Variants in CERS2 observed in about 807,000 individuals in gnomAD.
CERS2 encodes the protein ceramide synthase 2.
CERS2 carries 20 observed loss-of-function variants against 56.6 expected under a neutral mutation model. That is an observed-to-expected ratio of 0.35 (90% CI 0.25 to 0.51). The LOEUF is 0.51. CERS2 is among the 20% of genes least tolerant of loss of function. The pLI, the probability that CERS2 is intolerant of heterozygous loss-of-function variation, is 0.96. For synonymous variants in CERS2, 187 were observed against 175.4 expected (o/e 1.07, Z -0.52); for missense variants, 361 against 488.6 (o/e 0.74, Z 2.46).
chr1:150,966,920 T>C, intron 8 of CERS2, 58 bp from the exon 9 acceptor site: 2 of 1,418,106 alleles, frequency 1.4e-6, no homozygotes, highest in Non-Finnish European at 2.0e-6. Flanking sequence ...AGTACATTCA[T>C]ATGTACACTC....
At chr1:150,969,196 A>T in intron 1 of CERS2, 105 bp from the exon 2 acceptor site, 1 of 942,218 alleles carries the variant, frequency 1.1e-6, no homozygotes, top group Non-Finnish European at 1.6e-6. Context: ...GGGGGCAGAG[A>T]GTCGAACTCT....
Position 150,968,144 on chromosome 1 carries a change from A to G in CERS2, c.349T>C (p.Trp117Arg). The change falls in exon 4 of 11, where the codon TGG becomes CGG. Residue 117 changes from tryptophan (W) to arginine (R), a missense_variant. Trp to Arg is a moderately radical substitution (Grantham distance 101, BLOSUM62 -3). Coordinates refer to ENST00000368954, the MANE Select transcript of CERS2 (RefSeq NM_022075.5). ...SGLSGRQVER[W>R]FRRRRNQDRP... ...TCCTGGTTGCGGCGGCGACGGAACC[A>G]ACGCTCTACCTGGCGGCCAGAGAGC... 1 of 1,609,898 alleles carries G rather than the reference A, an allele frequency of 6.2e-7. No individual in the cohort carries two copies. The highest frequency in any genetic ancestry group is 8.5e-7 in the Non-Finnish European group (1 of 1,179,998).
intron 8 of CERS2, 88 bp downstream of exon 8, chr1:150,966,986 C>A (rs1671042304): frequency 6.5e-7 from 1 of 1,541,404 alleles, no homozygotes; most frequent in East Asian, 2.3e-5. Context: ...TGTCATCCTC[C>A]AAATTCCCAC....
In CERS2 at chr1:150,966,753, C is replaced by T. The variant is rs1355438284; in HGVS notation, c.848+3G>A. Reference sequence around the variant, plus strand: ...CAGGAGTGTAGCCTAGCTGCCTACTCACCAGAAGGGCAGGATGACCAGTCG... The same window carrying T: ...CAGGAGTGTAGCCTAGCTGCCTACTTACCAGAAGGGCAGGATGACCAGTCG... On this transcript the variant is annotated splice_donor_region_variant and intron_variant, in intron 9 of 10. Transcript: ENST00000368954. 1.2e-5 allele frequency: 19 copies of T among 1,612,122 alleles called. No homozygotes were observed. The highest frequency in any genetic ancestry group is 2.2e-5 in the East Asian group (1 of 44,880).
intron 1 of CERS2, 43 bp from the exon 2 acceptor site, chr1:150,969,134 A>G (rs1403574690): frequency 1.3e-6 from 2 of 1,569,840 alleles, no homozygotes; most frequent in Admixed American, 3.4e-5. Flanking sequence ...GGGAGTAGCT[A>G]TGGAGGAAGA....
rs988081439 is a variant in CERS2, at chr1:150,974,782, GCGC to G, written c.-168_-166del. ...GCCCTCCCTCCTCCGCCAGCCGCCG[GCGC>G]CGCCGCCGCCGCCCGCCGAGCCCAG... is the stretch of plus-strand genomic sequence containing the variant. On this transcript the variant is annotated 5_prime_UTR_variant, in exon 1 of 11. Transcript: ENST00000368954. 8.5e-5 allele frequency: 13 copies of G among 153,220 alleles called. No individual in the cohort carries two copies. The highest frequency in any genetic ancestry group is 1.7e-4 in the Non-Finnish European group (12 of 69,270). The allele number at this position is 153,220 out of a possible 1,614,324, so 9.5% of individuals were successfully genotyped here.
At chr1:150,972,151 G>A (rs1022842832) in intron 1 of CERS2, among the ~76,000 whole-genome samples, 1 of 152,204 alleles carries the variant, frequency 6.6e-6, no homozygotes, top group Non-Finnish European at 1.5e-5. Context: ...TCCCCAAGAT[G>A]AGATAGCGCC....
chr1:150,970,227 CA>C (rs35333038), intron 1 of CERS2, among the ~76,000 whole-genome samples: 197 of 51,166 alleles, frequency 3.9e-3, no homozygotes, highest in African/African-American at 0.017. Flanking sequence ...GACTCTGTCT[CA>C]AAAAAAAAAA....
chr1:150,967,500 G>A lies in CERS2; in HGVS notation c.520-16C>T. On this transcript the variant is annotated splice_polypyrimidine_tract_variant and intron_variant, in intron 6 of 10. Coordinates refer to ENST00000368954, the MANE Select transcript of CERS2 (RefSeq NM_022075.5). Reference sequence around the variant, plus strand: ...GGATAGTGCTCTGGGAGAGGAGAGAGAGGTAAGAGCAACCAGCCGCAAGGG... The same window carrying A: ...GGATAGTGCTCTGGGAGAGGAGAGAAAGGTAAGAGCAACCAGCCGCAAGGG... 8.6e-6 allele frequency: 13 copies of A among 1,518,814 alleles called. No individual in the cohort carries two copies. Among genetic ancestry groups the A allele is most frequent in the Non-Finnish European group, 1.1e-5 (12 of 1,093,304 alleles). 94.1% of individuals were successfully genotyped at this position (1,518,814 alleles called of 1,614,324 possible).
At chr1:150,968,807 T>C in intron 2 of CERS2, 111 bp downstream of exon 2, 1 of 1,078,816 alleles carries the variant, frequency 9.3e-7, no homozygotes, top group Non-Finnish European at 1.4e-6. Context: ...GGAACCTGAG[T>C]AGCCAGAACA....
In CERS2 at chr1:150,965,264, T is replaced by C. The variant is rs1318647565; in HGVS notation, c.*884A>G. On this transcript the variant is annotated 3_prime_UTR_variant, in exon 11 of 11. Transcript: ENST00000368954. The stretch of plus-strand genomic sequence containing the variant: ...GTCTGACACTTATTGCCATGTTTTA[T>C]TTAATATTTTTTATTTAATCTTTTA... The C allele has an allele frequency of 1.3e-5, 2 of 152,670 alleles. No homozygotes were observed. The highest frequency in any genetic ancestry group is 2.9e-5 in the Non-Finnish European group (2 of 68,044). The allele number at this position is 152,670 out of a possible 1,614,324, so 9.5% of individuals were successfully genotyped here.
At chr1:150,967,300 C>T in intron 7 of CERS2, 92 bp downstream of exon 7, 1 of 1,441,450 alleles carries the variant, frequency 6.9e-7, no homozygotes, top group South Asian at 1.1e-5. Flanking sequence ...ACCAACAGCT[C>T]CATTCAGAGT....
chr1:150,968,563 C>T, intron 2 of CERS2, 51 bp from the exon 3 acceptor site: 1 of 1,440,618 alleles, frequency 6.9e-7, no homozygotes, highest in Non-Finnish European at 9.8e-7. Context: ...AGGGAAAGGG[C>T]TGCAAGCTAA....
At position 150,965,192 on chromosome 1, in the gene CERS2, A is replaced by G. The variant is rs72706512; in HGVS notation, c.*956T>C. 0.073 allele frequency: 11,190 copies of G among 152,682 alleles called. 564 individuals carry two copies. Among genetic ancestry groups the G allele is most frequent in the East Asian group, 0.18 (914 of 5,170 alleles). 9.5% of individuals were successfully genotyped at this position (152,682 alleles called of 1,614,324 possible). The stretch of plus-strand genomic sequence containing the variant: ...CATAACTGCAAGGAAGGCATAAGAA[A>G]GACTCTCTTCGTTTATTTAGTTGAT... On this transcript the variant is annotated 3_prime_UTR_variant, in exon 11 of 11. Coordinates refer to ENST00000368954, the MANE Select transcript of CERS2 (RefSeq NM_022075.5).
At chr1:150,966,668 G>C in intron 9 of CERS2, 39 bp from the exon 10 acceptor site, 5 of 1,611,658 alleles carry the variant, frequency 3.1e-6, no homozygotes, top group Non-Finnish European at 4.2e-6. Flanking sequence ...GACAAGAGCA[G>C]GTCAGACACC....
chr1:150,973,976 C>T (rs1366787276), intron 1 of CERS2: 1 of 152,748 alleles, frequency 6.5e-6, no homozygotes, highest in Non-Finnish European at 1.5e-5. Context: ...CCAGGAGCTC[C>T]CTTGCCAGCC....
intron 1 of CERS2, 146 bp from the exon 2 acceptor site, chr1:150,969,237 C>T: frequency 1.5e-6 from 1 of 670,436 alleles, no homozygotes; most frequent in Non-Finnish European, 2.5e-6. Context: ...TAGCCTTGGG[C>T]AAATCAGTTT....
At chr1:150,971,652 A>G (rs765042392) in intron 1 of CERS2, among the ~76,000 whole-genome samples, 1 of 152,176 alleles carries the variant, frequency 6.6e-6, no homozygotes, top group Non-Finnish European at 1.5e-5. Context: ...GTAATTATCC[A>G]CAGTGGAACT....
intron 10 of CERS2, 30 bp from the exon 11 acceptor site, chr1:150,966,318 C>G (rs754066846): frequency 6.2e-7 from 1 of 1,610,142 alleles, no homozygotes. Flanking sequence ...AGGGTTATTA[C>G]ATGAGATCCT....
Sources: gnomAD v4.1 joint callset for allele counts (sites outside exome capture counted in the v4.1 genomes callset) on GRCh38, gnomAD v4.1.1 for gene constraint, MANE v1.5 for transcripts, NCBI Gene and HGNC (gene_info 2026-07-23, HGNC 2026-07-21) for gene names.